TAFA2: variants seen among roughly 807,000 people sequenced by gnomAD.
TAFA2 encodes TAFA chemokine like family member 2.
In TAFA2, 7 loss-of-function variants were observed where a neutral mutation model predicts 18.8. That is an observed-to-expected ratio of 0.37 (90% CI 0.21 to 0.70). The LOEUF (loss-of-function observed/expected upper bound fraction) is 0.70. Among genes scored for constraint, TAFA2 ranks in the 30% least tolerant of loss-of-function variants. TAFA2 has a pLI of 0.53. For synonymous variants in TAFA2, 60 were observed against 54.2 expected, an observed-to-expected ratio of 1.11 and a Z score of -0.47; for missense variants, 122 against 158.1, an observed-to-expected ratio of 0.77 and a Z score of 1.23.
At chr12:61,889,508 A>G (rs867771710) in intron 1 of TAFA2, among the ~76,000 whole-genome samples, 1 of 152,352 alleles carries the variant, frequency 6.6e-6, no homozygotes, top group East Asian at 1.9e-4. Flanking sequence ...CATTTAATGT[A>G]GTTCCAGACA....
intron 2 of TAFA2, among the ~76,000 whole-genome samples, chr12:61,781,888 C>T (rs1037537245): frequency 9.9e-5 from 15 of 151,472 alleles, no homozygotes; most frequent in African/African-American, 2.4e-4. Flanking sequence ...GGATGGTTGC[C>T]GGGGGAAAAA....
At chr12:61,777,364 AAC>A (rs1226996882) in intron 2 of TAFA2, among the ~76,000 whole-genome samples, 1 of 151,754 alleles carries the variant, frequency 6.6e-6, no homozygotes, top group African/African-American at 2.4e-5. Flanking sequence ...GAAAGCTCTT[AAC>A]ACTGTTTCTG....
chr12:61,721,498 C>T (rs1185770274), intron 4 of TAFA2, among the ~76,000 whole-genome samples: 4 of 152,096 alleles, frequency 2.6e-5, no homozygotes, highest in African/African-American at 9.7e-5. Context: ...AGTCACTTAA[C>T]CAACATATGG....
intron 1 of TAFA2, among the ~76,000 whole-genome samples, chr12:61,903,164 A>G (rs957253744): frequency 2.6e-5 from 4 of 152,134 alleles, no homozygotes; most frequent in African/African-American, 9.7e-5. Flanking sequence ...GAAAAATTAC[A>G]GTGTAGTACC....
At chr12:61,934,157 T>C (rs1209815950) in intron 1 of TAFA2, among the ~76,000 whole-genome samples, 1 of 152,192 alleles carries the variant, frequency 6.6e-6, no homozygotes. Flanking sequence ...AGTAAATCCA[T>C]ACAAACTCAC....
At chr12:62,088,513 G>T (rs1868554878) in intron 1 of TAFA2, among the ~76,000 whole-genome samples, 1 of 150,878 alleles carries the variant, frequency 6.6e-6, no homozygotes, top group South Asian at 2.1e-4. Context: ...GTGGTAGAAG[G>T]AGCTTTATCC....
chr12:62,009,548 C>T (rs1250622077), intron 1 of TAFA2, among the ~76,000 whole-genome samples: 1 of 152,182 alleles, frequency 6.6e-6, no homozygotes, highest in Non-Finnish European at 1.5e-5. Context: ...GGACACTAGG[C>T]ATTTAGACAC....
chr12:62,154,796 CAGG>C (rs2062357241), intron 1 of TAFA2, among the ~76,000 whole-genome samples: 1 of 152,028 alleles, frequency 6.6e-6, no homozygotes, highest in East Asian at 1.9e-4. Context: ...CTGACTCAAA[CAGG>C]AGGAGTGACT....
At chr12:61,902,094 A>AAAAAAAAAAAC (rs1343787730) in intron 1 of TAFA2, among the ~76,000 whole-genome samples, 9 of 142,254 alleles carry the variant, frequency 6.3e-5, no homozygotes, top group African/African-American at 2.4e-4. Context: ...GGAATGTTAA[A>AAAAAAAAAAAC]AAAAAAAAAA....
chr12:61,964,915 CACT>C (rs1474122035), intron 1 of TAFA2, among the ~76,000 whole-genome samples: 1 of 151,806 alleles, frequency 6.6e-6, no homozygotes, highest in East Asian at 1.9e-4. Context: ...TTTATTTACA[CACT>C]ACTATCATGA....
intron 1 of TAFA2, among the ~76,000 whole-genome samples, chr12:62,032,627 A>T (rs141302434): frequency 5.6e-4 from 85 of 152,138 alleles, no homozygotes; most frequent in African/African-American, 2.0e-3. Context: ...ATAGGAATAC[A>T]TTTTTTTCCA....
chr12:62,096,303 C>G (rs1404997941), intron 1 of TAFA2, among the ~76,000 whole-genome samples: 1 of 152,068 alleles, frequency 6.6e-6, no homozygotes, highest in East Asian at 1.9e-4. Flanking sequence ...AATAAAAACA[C>G]TGAAGTCACA....
At chr12:62,214,788 C>A (rs1347922716) in intron 1 of TAFA2, among the ~76,000 whole-genome samples, 1 of 152,126 alleles carries the variant, frequency 6.6e-6, no homozygotes, top group African/African-American at 2.4e-5. Flanking sequence ...GTCTCCAGAA[C>A]TGTGAGAAAG....
Position 61,733,591 on chromosome 12 carries a change from G to A in TAFA2, c.384+20031C>T, listed in dbSNP as rs1275676949. On this transcript the variant is annotated intron_variant, in intron 4 of 4. Coordinates refer to ENST00000416284, the MANE Select transcript of TAFA2 (RefSeq NM_178539.5). ...AAAGATCAGATAGTTGTAGATATGCGGCGTTATTTCTGAGGGCTCTGTTCT... is the reference window on the plus strand; with the variant it reads ...AAAGATCAGATAGTTGTAGATATGCAGCGTTATTTCTGAGGGCTCTGTTCT... Among the ~76,000 whole-genome samples the A allele has an allele frequency of 1.5e-3, 221 of 147,214 alleles. 1 individual carries two copies. Among genetic ancestry groups the A allele is most frequent in the African/African-American group, 5.3e-3 (214 of 40,160 alleles).
intron 1 of TAFA2, among the ~76,000 whole-genome samples, chr12:61,897,030 T>C (rs1875877851): frequency 6.6e-6 from 1 of 152,258 alleles, no homozygotes; most frequent in East Asian, 1.9e-4. Flanking sequence ...ATTTGATACA[T>C]ATAAAATAAG....
intron 1 of TAFA2, among the ~76,000 whole-genome samples, chr12:62,226,549 C>T (rs1374285590): frequency 6.6e-6 from 1 of 152,172 alleles, no homozygotes; most frequent in Admixed American, 6.5e-5. Context: ...TAACTACCAT[C>T]AGTAGGTTAA....
chr12:62,022,748 G>A (rs146233950), intron 1 of TAFA2, among the ~76,000 whole-genome samples: 41 of 152,212 alleles, frequency 2.7e-4, no homozygotes, highest in South Asian at 2.5e-3. Flanking sequence ...AACTCCCTTC[G>A]TCAAGCAAGA....
chr12:61,952,405 C>A (rs1454800267), intron 1 of TAFA2, among the ~76,000 whole-genome samples: 1 of 152,112 alleles, frequency 6.6e-6, no homozygotes, highest in African/African-American at 2.4e-5. Flanking sequence ...ATTCACTTTG[C>A]ATGCCCCTTT....
intron 1 of TAFA2, among the ~76,000 whole-genome samples, chr12:61,923,653 G>A (rs1398875990): frequency 6.6e-6 from 1 of 152,048 alleles, no homozygotes; most frequent in Non-Finnish European, 1.5e-5. Context: ...AAAAGGCTGA[G>A]AATTCCAAAA....
Sources: allele counts gnomAD v4.1 joint callset (sites outside exome capture counted in the v4.1 genomes callset), GRCh38; gene constraint gnomAD v4.1.1; transcripts MANE v1.5; gene names NCBI Gene and HGNC (gene_info 2026-07-23, HGNC 2026-07-21).